KCNIP4: variants seen among roughly 807,000 people sequenced by gnomAD.
KCNIP4 encodes the protein potassium voltage-gated channel interacting protein 4.
Under a neutral mutation model 34.0 loss-of-function variants are expected in KCNIP4, and 12 were observed. The observed-to-expected ratio is 0.35, with a 90% CI of 0.23 to 0.57. KCNIP4 has a LOEUF of 0.57. Among genes scored for constraint, KCNIP4 ranks in the 20% least tolerant of loss-of-function variants. The pLI is 0.83. For synonymous variants in KCNIP4, 124 were observed against 102.2 expected (o/e 1.21, Z -1.29); for missense variants, 238 against 311.7 (o/e 0.76, Z 1.78).
intron 1 of KCNIP4, among the ~76,000 whole-genome samples, chr4:21,801,423 G>T (rs1445334601): frequency 6.6e-6 from 1 of 151,946 alleles, no homozygotes; most frequent in Non-Finnish European, 1.5e-5. Flanking sequence ...GAGTTAGATT[G>T]GTGATTATAG....
chr4:20,731,075 ATTCTTTTT>A (rs1325991399), intron 8 of KCNIP4, among the ~76,000 whole-genome samples: 4 of 152,138 alleles, frequency 2.6e-5, no homozygotes, highest in East Asian at 1.9e-4. Flanking sequence ...TATTTGAAAA[ATTCTTTTT>A]TTCTTTTTTT....
Position 21,409,644 on chromosome 4 carries a change from A to T in KCNIP4, c.62-526935T>A, listed in dbSNP as rs77006971. Among the ~76,000 whole-genome samples, 874 of 152,314 alleles carry T rather than the reference A, an allele frequency of 5.7e-3. 6 individuals carry two copies. Among genetic ancestry groups the T allele is most frequent in the African/African-American group, 0.02 (846 of 41,580 alleles). On this transcript the variant is annotated intron_variant, in intron 1 of 8. Transcript: ENST00000382152. Reference sequence around the variant, plus strand: ...TTGAGTTATGAAATATTTTAATCTAATATTCATTCTGTCGTGCAACAAATG... The same window carrying T: ...TTGAGTTATGAAATATTTTAATCTATTATTCATTCTGTCGTGCAACAAATG...
Position 21,494,671 on chromosome 4 carries a change from T to A in KCNIP4, c.61+453900A>T, listed in dbSNP as rs28621776. Among the ~76,000 whole-genome samples the A allele has an allele frequency of 2.0e-5, 3 of 150,850 alleles. No homozygotes were observed. The East Asian group carries it at 5.9e-4, about 30-fold the overall frequency. On this transcript the variant is annotated intron_variant, in intron 1 of 8. Coordinates refer to ENST00000382152, the MANE Select transcript of KCNIP4 (RefSeq NM_025221.6). ...GCCTGTAGTCCCAGTTACTCAGGAG[T>A]CTGAGGCAAGAGAATCGCTTGAACC...
intron 1 of KCNIP4, among the ~76,000 whole-genome samples, chr4:21,078,147 G>A (rs1224342668): frequency 6.6e-6 from 1 of 151,948 alleles, no homozygotes; most frequent in Non-Finnish European, 1.5e-5. Flanking sequence ...TATTAGGAGA[G>A]ATGGGGCAGA....
intron 1 of KCNIP4, among the ~76,000 whole-genome samples, chr4:21,772,574 A>G (rs1718875395): frequency 6.6e-6 from 1 of 152,098 alleles, no homozygotes; most frequent in Admixed American, 6.5e-5. Flanking sequence ...TTTGGTTGGT[A>G]GGCTATTAAT....
intron 3 of KCNIP4, among the ~76,000 whole-genome samples, chr4:20,778,949 T>G (rs1560458837): frequency 6.6e-6 from 1 of 152,038 alleles, no homozygotes; most frequent in Non-Finnish European, 1.5e-5. Context: ...GAGACTTGAC[T>G]AGCATTACAA....
intron 1 of KCNIP4, among the ~76,000 whole-genome samples, chr4:21,090,651 G>C (rs55737345): frequency 0.17 from 25,627 of 152,068 alleles, 2,243 homozygotes; most frequent in East Asian, 0.24. Context: ...GTCACAGATT[G>C]TTTCATAAAC....
At chr4:21,497,597 C>T (rs1577466270) in intron 1 of KCNIP4, among the ~76,000 whole-genome samples, 2 of 152,240 alleles carry the variant, frequency 1.3e-5, no homozygotes, top group South Asian at 2.1e-4. Flanking sequence ...TCCATTATTA[C>T]AATAAATCCT....
At chr4:20,994,290 GATAAC>G (rs1737343920) in intron 1 of KCNIP4, among the ~76,000 whole-genome samples, 1 of 152,110 alleles carries the variant, frequency 6.6e-6, no homozygotes, top group Non-Finnish European at 1.5e-5. Flanking sequence ...GAAGAAAAAA[GATAAC>G]ATAAACTGAA....
intron 1 of KCNIP4, among the ~76,000 whole-genome samples, chr4:21,000,143 G>A (rs1476623298): frequency 6.6e-6 from 1 of 152,132 alleles, no homozygotes. Flanking sequence ...TCCAGCAGGT[G>A]CTAAGCAGAA....
chr4:21,530,297 C>G (rs1736569156), intron 1 of KCNIP4, among the ~76,000 whole-genome samples: 2 of 152,112 alleles, frequency 1.3e-5, no homozygotes, highest in South Asian at 4.1e-4. Flanking sequence ...TAGCTACAGT[C>G]TTGAGCCCTA....
At chr4:21,055,824 G>T (rs1363359736) in intron 1 of KCNIP4, among the ~76,000 whole-genome samples, 1 of 152,134 alleles carries the variant, frequency 6.6e-6, no homozygotes, top group Non-Finnish European at 1.5e-5. Flanking sequence ...GATTATTAAC[G>T]AAGTAAAAAA....
intron 1 of KCNIP4, among the ~76,000 whole-genome samples, chr4:21,802,260 C>G (rs1721047056): frequency 6.6e-6 from 1 of 151,992 alleles, no homozygotes; most frequent in Non-Finnish European, 1.5e-5. Context: ...TAGAGTTTTT[C>G]ACTAGGATAT....
intron 1 of KCNIP4, among the ~76,000 whole-genome samples, chr4:20,902,376 C>T (rs1727244942): frequency 2.0e-5 from 3 of 152,062 alleles, no homozygotes; most frequent in Admixed American, 2.0e-4. Context: ...GAGCTGATTA[C>T]AGGAGGGTCA....
At chr4:21,899,466 G>A (rs112229535) in intron 1 of KCNIP4, among the ~76,000 whole-genome samples, 129 of 151,886 alleles carry the variant, frequency 8.5e-4, no homozygotes, top group African/African-American at 3.0e-3. Context: ...AAAGTAAAGG[G>A]CATCAAAATA....
rs1256971045 is a variant in KCNIP4, at chr4:21,291,861, AAAAAAAAAAGAAAGAAAG to A, written c.62-409170_62-409153del. Among the ~76,000 whole-genome samples the A allele has an allele frequency of 1.4e-4, 17 of 118,944 alleles. 1 individual carries two copies. The South Asian group carries it at 2.9e-3, about 20-fold the overall frequency. 78.0% of individuals were successfully genotyped at this position (118,944 alleles called of 152,430 possible). A position where few individuals can be genotyped will look rare whatever the true frequency, so the allele number is the denominator to read the frequency against. On this transcript the variant is annotated intron_variant, in intron 1 of 8. Transcript: ENST00000382152. The stretch of plus-strand genomic sequence containing the variant: ...AGAGTTAGACTCCGCCTCAAAAAAA[AAAAAAAAAAGAAAGAAAG>A]AAAGAAAGAAAGAAAGAAAGAAAGA...
intron 1 of KCNIP4, among the ~76,000 whole-genome samples, chr4:21,349,660 C>T (rs901406726): frequency 3.3e-5 from 5 of 152,112 alleles, no homozygotes; most frequent in Non-Finnish European, 7.4e-5. Flanking sequence ...AACATACAGA[C>T]TGCTAACATG....
chr4:21,896,354 C>A (rs139753476), intron 1 of KCNIP4, among the ~76,000 whole-genome samples: 2 of 152,098 alleles, frequency 1.3e-5, no homozygotes, highest in South Asian at 4.1e-4. Context: ...GTTTTAGAGA[C>A]TACAGAAGGA....
At chr4:21,738,841 G>A (rs116144801) in intron 1 of KCNIP4, among the ~76,000 whole-genome samples, 1,813 of 152,050 alleles carry the variant, frequency 0.012, 39 homozygotes, top group African/African-American at 0.041. Context: ...TGTAGACAAC[G>A]GCATAAGATA....
Sources: allele counts gnomAD v4.1 joint callset (sites outside exome capture counted in the v4.1 genomes callset), GRCh38; gene constraint gnomAD v4.1.1; transcripts MANE v1.5; gene names NCBI Gene and HGNC (gene_info 2026-07-23, HGNC 2026-07-21).